ADAM2: variants seen among roughly 807,000 people sequenced by gnomAD.
ADAM2 encodes the protein ADAM metallopeptidase domain 2.
A neutral mutation model predicts 99.3 loss-of-function variants in ADAM2; 101 were observed. The observed-to-expected ratio is 1.02, with a 90% CI of 0.87 to 1.20. The LOEUF (loss-of-function observed/expected upper bound fraction) is 1.20, where lower values mean the gene tolerates loss of function less well. Ranked by LOEUF, ADAM2 falls within the 50% of genes most tolerant of loss-of-function variation. The probability of loss-of-function intolerance (pLI) is 0.00; values close to 1 mark genes in which losing one functional copy is unlikely to be tolerated. For synonymous variants in ADAM2, 323 were observed against 287.6 expected, an observed-to-expected ratio of 1.12 and a Z score of -1.25; for missense variants, 948 against 878.7, an observed-to-expected ratio of 1.08 and a Z score of -1.00.
intron 10 of ADAM2, among the ~76,000 whole-genome samples, chr8:39,780,526 C>T (rs1336107643): frequency 6.6e-6 from 1 of 152,154 alleles, no homozygotes; most frequent in East Asian, 1.9e-4. Flanking sequence ...ACATTAACCT[C>T]TGCCACCCAA....
At chr8:39,755,663 C>T in intron 16 of ADAM2, 65 bp downstream of exon 16, 1 of 1,228,888 alleles carries the variant, frequency 8.1e-7, no homozygotes, top group Admixed American at 2.1e-5. Flanking sequence ...AAGAGTGACA[C>T]TCATCTCAAA....
intron 3 of ADAM2, among the ~76,000 whole-genome samples, chr8:39,833,512 T>C (rs1260567172): frequency 1.3e-5 from 2 of 152,160 alleles, no homozygotes; most frequent in Non-Finnish European, 2.9e-5. Flanking sequence ...TTACAAATTT[T>C]ATTTAATTTT....
In ADAM2 at chr8:39,805,438, C is replaced by T. The variant is rs559380229; in HGVS notation, c.570+3972G>A. ...AGTGAGACTCCTGAAATGGTAAAAA[C>T]GATAAGCTCTGCAAATCCTTTGCAC... On this transcript the variant is annotated intron_variant, in intron 7 of 20. Coordinates refer to ENST00000265708, the MANE Select transcript of ADAM2 (RefSeq NM_001464.5). Among the ~76,000 whole-genome samples the T allele has an allele frequency of 5.9e-5, 9 of 152,140 alleles. No homozygotes were observed. The South Asian group carries it at 6.2e-4, about 11-fold the overall frequency.
rs1586080564 is a variant in ADAM2 at position 39,774,430 on chromosome 8, G to A, written c.1028+2595C>T. On this transcript the variant is annotated intron_variant, in intron 11 of 20. Transcript: ENST00000265708. The stretch of plus-strand genomic sequence containing the variant: ...TCATGAGACTAAATTAGAAGTTCCA[G>A]AATAGAATATGTTAGTGTAGCAAAG... Among the ~76,000 whole-genome samples the A allele has an allele frequency of 3.3e-5, 5 of 152,088 alleles. No individual in the cohort carries two copies. The East Asian group carries it at 9.7e-4, about 29-fold the overall frequency.
chr8:39,751,012 C>G (rs1801915281), intron 16 of ADAM2, among the ~76,000 whole-genome samples: 1 of 152,128 alleles, frequency 6.6e-6, no homozygotes. Context: ...AGGATCATAA[C>G]ACACTAACTT....
chr8:39,808,339 A>T (rs1289405009), intron 7 of ADAM2, among the ~76,000 whole-genome samples: 1 of 152,156 alleles, frequency 6.6e-6, no homozygotes, highest in Non-Finnish European at 1.5e-5. Flanking sequence ...TATTAGAAAC[A>T]AGATTAGGAA....
At chr8:39,830,775 GAAA>G (rs796200873) in intron 3 of ADAM2, among the ~76,000 whole-genome samples, 5 of 147,924 alleles carry the variant, frequency 3.4e-5, no homozygotes, top group African/African-American at 5.0e-5. Context: ...TAATAGAAAC[GAAA>G]AAAAAAATCA....
At chr8:39,760,653 G>A (rs1802320051) in intron 15 of ADAM2, among the ~76,000 whole-genome samples, 1 of 151,778 alleles carries the variant, frequency 6.6e-6, no homozygotes, top group South Asian at 2.1e-4. Flanking sequence ...CCCGGGAGGC[G>A]GAACTTGCAG....
At chr8:39,804,570 T>G (rs1360480242) in intron 7 of ADAM2, among the ~76,000 whole-genome samples, 5 of 151,946 alleles carry the variant, frequency 3.3e-5, no homozygotes, top group African/African-American at 1.2e-4. Flanking sequence ...TATATGATGA[T>G]GAAAGTCAGT....
chr8:39,830,831 T>G lies in ADAM2; in HGVS notation c.188+3113A>C, dbSNP rs556545731. Among the ~76,000 whole-genome samples the G allele has an allele frequency of 2.0e-3, 304 of 152,256 alleles. 2 individuals carry two copies. Among genetic ancestry groups the G allele is most frequent in the African/African-American group, 7.0e-3 (290 of 41,558 alleles). On this transcript the variant is annotated intron_variant, in intron 3 of 20. Transcript: ENST00000265708. ...GTCAGTGTTTGTTTCATCCCAGAATTTATATTTTGAAATCTAATCACCAAT... is the reference window on the plus strand; with the variant it reads ...GTCAGTGTTTGTTTCATCCCAGAATGTATATTTTGAAATCTAATCACCAAT...
At chr8:39,799,274 T>G (rs1033444746) in intron 7 of ADAM2, among the ~76,000 whole-genome samples, 7 of 152,206 alleles carry the variant, frequency 4.6e-5, no homozygotes, top group African/African-American at 1.7e-4. Context: ...CTTCTTGATT[T>G]CTGCCTTAAT....
chr8:39,772,821 CAT>C (rs1330826858), intron 11 of ADAM2, among the ~76,000 whole-genome samples: 8 of 151,718 alleles, frequency 5.3e-5, no homozygotes, highest in East Asian at 1.9e-4. Flanking sequence ...AACATCAAAA[CAT>C]GTGTCTAATA....
At chr8:39,837,924 T>C (rs1363985002) in intron 1 of ADAM2, among the ~76,000 whole-genome samples, 3 of 152,088 alleles carry the variant, frequency 2.0e-5, no homozygotes, top group Admixed American at 6.5e-5. Flanking sequence ...TATCTTATCT[T>C]TCCTAGGTTT....
intron 6 of ADAM2, among the ~76,000 whole-genome samples, chr8:39,818,545 C>T (rs1235810789): frequency 1.3e-5 from 2 of 151,956 alleles, no homozygotes; most frequent in Admixed American, 1.3e-4. Flanking sequence ...TTCACCTATT[C>T]TATTCAACAT....
chr8:39,757,775 C>T (rs148404459), intron 15 of ADAM2, among the ~76,000 whole-genome samples: 2 of 152,234 alleles, frequency 1.3e-5, no homozygotes, highest in South Asian at 2.1e-4. Flanking sequence ...AATGCAATTT[C>T]CGTTATGTAT....
chr8:39,792,487 C>T (rs1390717301), intron 7 of ADAM2, among the ~76,000 whole-genome samples: 2 of 152,052 alleles, frequency 1.3e-5, no homozygotes, highest in African/African-American at 2.4e-5. Context: ...TTGTCCCTCT[C>T]TTTCCTCCTC....
At chr8:39,820,395 A>G (rs1805126468) in intron 6 of ADAM2, among the ~76,000 whole-genome samples, 1 of 152,140 alleles carries the variant, frequency 6.6e-6, no homozygotes, top group Admixed American at 6.6e-5. Flanking sequence ...CTAACCTCCC[A>G]TGGTACTGCC....
chr8:39,786,454 T>C (rs563201691), intron 10 of ADAM2, among the ~76,000 whole-genome samples: 21 of 152,268 alleles, frequency 1.4e-4, no homozygotes, highest in Non-Finnish European at 1.0e-4. Context: ...AGAATAGTGA[T>C]AGTATTATGA....
chr8:39,790,636 A>G (rs1803670703), intron 7 of ADAM2, among the ~76,000 whole-genome samples: 1 of 152,024 alleles, frequency 6.6e-6, no homozygotes. Context: ...CAAATCTGTA[A>G]ATATACTAAA....
Sources: gnomAD v4.1 joint callset for allele counts (sites outside exome capture counted in the v4.1 genomes callset) on GRCh38, gnomAD v4.1.1 for gene constraint, MANE v1.5 for transcripts, NCBI Gene and HGNC (gene_info 2026-07-23, HGNC 2026-07-21) for gene names.